The following SIAH1 variants were observed in gnomAD, a reference collection of about 807,000 sequenced individuals.
SIAH1 encodes the protein siah E3 ubiquitin protein ligase 1, also known as E3 ubiquitin-protein ligase SIAH1.
Under a neutral mutation model 20.0 loss-of-function variants are expected in SIAH1, and 2 were observed. The ratio of observed to expected loss-of-function variants is 0.10; its 90% CI spans 0.04 to 0.31. The LOEUF is 0.31. Ranked by LOEUF, SIAH1 falls within the 10% of genes least tolerant of loss-of-function variation. SIAH1 has a pLI of 1.00. For missense variants in SIAH1, 119 were observed against 355.3 expected (o/e 0.33, Z 5.35); for synonymous variants, 118 against 125.3 (o/e 0.94, Z 0.39).
At chr16:48,382,717 T>G (rs1164615457) in intron 1 of SIAH1, among the ~76,000 whole-genome samples, 2 of 152,174 alleles carry the variant, frequency 1.3e-5, no homozygotes, top group Admixed American at 6.5e-5. Context: ...GATTTTAACA[T>G]TTCACAAAGC....
chr16:48,377,282 C>A (rs558084948), intron 1 of SIAH1, among the ~76,000 whole-genome samples: 7 of 151,848 alleles, frequency 4.6e-5, no homozygotes, highest in Non-Finnish European at 8.8e-5. Flanking sequence ...ACAAAAAAAA[C>A]AAGTCAGTTC....
intron 1 of SIAH1, among the ~76,000 whole-genome samples, chr16:48,383,650 A>G (rs1567378700): frequency 6.6e-6 from 1 of 152,120 alleles, no homozygotes; most frequent in Non-Finnish European, 1.5e-5. Flanking sequence ...AATCAATTTG[A>G]TTTTTTTTAA....
chr16:48,377,301 C>CT (rs1961135092), intron 1 of SIAH1, among the ~76,000 whole-genome samples: 1 of 151,826 alleles, frequency 6.6e-6, no homozygotes, highest in African/African-American at 2.4e-5. Flanking sequence ...TCAAACATGA[C>CT]TGGGCAACCA....
chr16:48,377,166 A>G (rs1317730699), intron 1 of SIAH1, among the ~76,000 whole-genome samples: 1 of 152,206 alleles, frequency 6.6e-6, no homozygotes, highest in Non-Finnish European at 1.5e-5. Context: ...TTTTATAAAT[A>G]TAATTAGTTC....
chr16:48,366,296 G>A (rs1006293837), intron 1 of SIAH1, among the ~76,000 whole-genome samples: 9 of 152,192 alleles, frequency 5.9e-5, no homozygotes, highest in African/African-American at 2.2e-4. Context: ...TTTATCGTGC[G>A]AACTCTAAAT....
At chr16:48,365,970 G>A (rs1387981768) in intron 1 of SIAH1, 12 of 1,109,164 alleles carry the variant, frequency 1.1e-5, no homozygotes, top group Non-Finnish European at 1.3e-5. Flanking sequence ...AACCCGGGGC[G>A]CCAGGGCCAG....
At position 48,361,323 on chromosome 16, in the gene SIAH1, C is replaced by A; in HGVS notation, c.*257G>T. On this transcript the variant is annotated 3_prime_UTR_variant, in exon 2 of 2. Coordinates refer to ENST00000394725, the MANE Select transcript of SIAH1 (RefSeq NM_003031.4). ...ACTCAGAATTATTTTACAATGCTTC[C>A]TTTCTTAATACAAAAGATGCCCATC... 1 of 378,730 alleles carries A rather than the reference C, an allele frequency of 2.6e-6. No individual in the cohort carries two copies. The highest frequency in any genetic ancestry group is 3.7e-5 in the South Asian group (1 of 27,002). The allele number at this position is 378,730 out of a possible 1,614,324, so 23.5% of individuals were successfully genotyped here. A position where few individuals can be genotyped will look rare whatever the true frequency, so the allele number is the denominator to read the frequency against.
At chr16:48,374,730 G>A (rs2151051711) in intron 1 of SIAH1, among the ~76,000 whole-genome samples, 1 of 151,954 alleles carries the variant, frequency 6.6e-6, no homozygotes, top group South Asian at 2.1e-4. Flanking sequence ...AGCCAAAATA[G>A]GAAGGAAGAA....
intron 1 of SIAH1, among the ~76,000 whole-genome samples, chr16:48,380,866 T>C (rs1164288236): frequency 3.1e-5 from 4 of 128,338 alleles, no homozygotes; most frequent in Non-Finnish European, 6.2e-5. Flanking sequence ...GATGTGGAGG[T>C]TGCAATGAGC....
intron 1 of SIAH1, chr16:48,365,896 G>GC (rs1331445249): frequency 8.1e-7 from 1 of 1,232,698 alleles, no homozygotes; most frequent in African/African-American, 1.5e-5. Flanking sequence ...GCAGGAGCCT[G>GC]CCTGCCGGGA....
chr16:48,384,610 G>C (rs1167651473), intron 1 of SIAH1, among the ~76,000 whole-genome samples: 1 of 151,940 alleles, frequency 6.6e-6, no homozygotes, highest in Non-Finnish European at 1.5e-5. Context: ...CGGCCGAAGC[G>C]GCAGGAAGAG....
intron 1 of SIAH1, among the ~76,000 whole-genome samples, chr16:48,369,792 T>C (rs1012172622): frequency 1.3e-5 from 2 of 152,184 alleles, no homozygotes; most frequent in African/African-American, 4.8e-5. Context: ...TAGTAAAACT[T>C]TCCCTTTCCC....
At position 48,385,217 on chromosome 16, in the gene SIAH1, G is replaced by A. The variant is rs779380480; in HGVS notation, c.-16C>T. 3.4e-5 allele frequency: 11 copies of A among 325,768 alleles called. No individual in the cohort carries two copies. Among genetic ancestry groups the A allele is most frequent in the Middle Eastern group, 7.7e-4 (1 of 1,292 alleles). The allele number at this position is 325,768 out of a possible 1,614,324, so 20.2% of individuals were successfully genotyped here. Reference sequence around the variant, plus strand: ...GGCCCCACTTACCTGTGGGCGGAGAGCGCGCCTCGGACCCCGGTCCTGGCA... The same window carrying A: ...GGCCCCACTTACCTGTGGGCGGAGAACGCGCCTCGGACCCCGGTCCTGGCA... On this transcript the variant is annotated 5_prime_UTR_variant, in exon 1 of 2. Coordinates refer to ENST00000394725, the MANE Select transcript of SIAH1 (RefSeq NM_003031.4).
chr16:48,366,037 G>C, intron 1 of SIAH1: 1 of 461,476 alleles, frequency 2.2e-6, no homozygotes, highest in Non-Finnish European at 3.0e-6. Context: ...GGGTGGGGCC[G>C]TGCCCGCAAG....
chr16:48,383,043 A>AT (rs1446894789), intron 1 of SIAH1, among the ~76,000 whole-genome samples: 4 of 152,354 alleles, frequency 2.6e-5, no homozygotes, highest in Admixed American at 2.6e-4. Flanking sequence ...ATTTCGTAAG[A>AT]ACTTCCCGAA....
intron 1 of SIAH1, among the ~76,000 whole-genome samples, chr16:48,383,996 G>A (rs1961364839): frequency 1.3e-5 from 2 of 152,232 alleles, no homozygotes; most frequent in African/African-American, 2.4e-5. Context: ...AGGGCTTGAG[G>A]TAGATACTGT....
At chr16:48,384,262 G>A (rs565408071) in intron 1 of SIAH1, among the ~76,000 whole-genome samples, 1 of 152,204 alleles carries the variant, frequency 6.6e-6, no homozygotes, top group Non-Finnish European at 1.5e-5. Context: ...TTTGTTTATG[G>A]CCTCTATGAC....
intron 1 of SIAH1, among the ~76,000 whole-genome samples, chr16:48,375,067 T>C (rs1045480057): frequency 6.6e-6 from 1 of 152,226 alleles, no homozygotes; most frequent in African/African-American, 2.4e-5. Context: ...AGATAATTAC[T>C]TGAACCCGGG....
intron 1 of SIAH1, among the ~76,000 whole-genome samples, chr16:48,375,176 T>TGA (rs199578213): frequency 4.2e-3 from 641 of 151,668 alleles, no homozygotes; most frequent in Non-Finnish European, 7.1e-3. Context: ...GGCAAAGGAG[T>TGA]GAGTGTGTAT....
Sources: allele counts gnomAD v4.1 joint callset (sites outside exome capture counted in the v4.1 genomes callset), GRCh38; gene constraint gnomAD v4.1.1; transcripts MANE v1.5; gene names NCBI Gene and HGNC (gene_info 2026-07-23, HGNC 2026-07-21).